Variants in SORCS3 observed in about 807,000 individuals in gnomAD.
SORCS3 encodes the protein VPS10 domain-containing receptor SorCS3.
In SORCS3, 57 loss-of-function variants were observed where a neutral mutation model predicts 146.3. The ratio of observed to expected loss-of-function variants is 0.39; its 90% CI spans 0.31 to 0.49. SORCS3 has a LOEUF of 0.49. SORCS3 is among the 20% of genes least tolerant of loss of function. The probability of loss-of-function intolerance (pLI) is 0.92; values close to 1 mark genes in which losing one functional copy is unlikely to be tolerated. For missense variants in SORCS3, 1,341 were observed against 1,575.5 expected, an observed-to-expected ratio of 0.85 and a Z score of 2.52; for synonymous variants, 653 against 618.5, an observed-to-expected ratio of 1.06 and a Z score of -0.83.
In SORCS3 at chr10:104,842,783, C is replaced by A; in HGVS notation, c.628-9C>A. On this transcript the variant is annotated splice_polypyrimidine_tract_variant and intron_variant, in intron 1 of 26. Coordinates refer to ENST00000369701, the MANE Select transcript of SORCS3 (RefSeq NM_014978.3). ...CCTCTCCTTTGCCCTTATCCCCAAC[C>A]CCTTGCAGGTCATACTTATCCTGAC... 1 of 1,612,936 alleles carries A rather than the reference C, an allele frequency of 6.2e-7. No homozygotes were observed.
intron 7 of SORCS3, among the ~76,000 whole-genome samples, chr10:105,136,468 A>G (rs1323402164): frequency 2.6e-5 from 4 of 152,218 alleles, no homozygotes; most frequent in African/African-American, 9.6e-5. Context: ...AGGGACACAA[A>G]CATTCAAACC....
chr10:104,698,869 G>C (rs12416372), intron 1 of SORCS3, among the ~76,000 whole-genome samples: 32,443 of 152,028 alleles, frequency 0.21, 3,787 homozygotes, highest in Non-Finnish European at 0.27. Context: ...GGTCACTGTG[G>C]GATGGAGGAG....
chr10:104,867,544 C>G (rs1281208712), intron 2 of SORCS3, among the ~76,000 whole-genome samples: 1 of 152,124 alleles, frequency 6.6e-6, no homozygotes, highest in African/African-American at 2.4e-5. Context: ...CTCCTGACCT[C>G]ATGATCTGCC....
chr10:105,259,926 C>T (rs2056951300), intron 25 of SORCS3, among the ~76,000 whole-genome samples: 2 of 152,152 alleles, frequency 1.3e-5, no homozygotes, highest in South Asian at 2.1e-4. Flanking sequence ...TGGTCCAAGA[C>T]ATATCTCTTG....
intron 5 of SORCS3, among the ~76,000 whole-genome samples, chr10:105,057,457 G>A (rs190057440): frequency 1.9e-3 from 291 of 152,204 alleles, no homozygotes; most frequent in Middle Eastern, 0.017. Flanking sequence ...ATTCCATAGC[G>A]TAGACACTGC....
chr10:104,969,916 C>A (rs2054849841), intron 3 of SORCS3, among the ~76,000 whole-genome samples: 1 of 152,054 alleles, frequency 6.6e-6, no homozygotes, highest in African/African-American at 2.4e-5. Flanking sequence ...ACAAGATATT[C>A]AATGGTAACC....
chr10:104,854,431 A>G (rs2018307329), intron 2 of SORCS3, among the ~76,000 whole-genome samples: 1 of 152,188 alleles, frequency 6.6e-6, no homozygotes, highest in African/African-American at 2.4e-5. Flanking sequence ...ATTCACAGGC[A>G]GTTCTAAGAA....
intron 2 of SORCS3, among the ~76,000 whole-genome samples, chr10:104,906,918 C>T (rs1217115121): frequency 1.3e-5 from 2 of 152,174 alleles, no homozygotes; most frequent in Non-Finnish European, 2.9e-5. Context: ...CGGTTCCCTA[C>T]CCAGTGGTAA....
At chr10:104,873,704 T>C (rs904808348) in intron 2 of SORCS3, among the ~76,000 whole-genome samples, 2 of 152,206 alleles carry the variant, frequency 1.3e-5, no homozygotes, top group Non-Finnish European at 2.9e-5. Context: ...TTATAAAATA[T>C]GCAACTAGCC....
chr10:105,043,721 C>T (rs1320118646), intron 5 of SORCS3, among the ~76,000 whole-genome samples: 1 of 152,046 alleles, frequency 6.6e-6, no homozygotes, highest in East Asian at 1.9e-4. Flanking sequence ...AAACTTATTT[C>T]ACTACAGAAT....
At chr10:105,089,919 T>G in intron 6 of SORCS3, 80 bp downstream of exon 6, 1 of 1,138,724 alleles carries the variant, frequency 8.8e-7, no homozygotes, top group Non-Finnish European at 1.3e-6. Flanking sequence ...CATTTTAATA[T>G]CTTGGGAAGA....
chr10:105,047,207 G>A (rs2055379494), intron 5 of SORCS3, among the ~76,000 whole-genome samples: 1 of 151,782 alleles, frequency 6.6e-6, no homozygotes, highest in Non-Finnish European at 1.5e-5. Flanking sequence ...CTGTGACTCT[G>A]CACTCTCCTA....
intron 3 of SORCS3, among the ~76,000 whole-genome samples, chr10:104,949,118 A>G (rs998777516): frequency 6.6e-6 from 1 of 152,180 alleles, no homozygotes; most frequent in African/African-American, 2.4e-5. Context: ...TTCATGCTTA[A>G]AAAAATCAAT....
At chr10:105,202,764 A>G (rs773194974) in intron 16 of SORCS3, among the ~76,000 whole-genome samples, 8 of 152,136 alleles carry the variant, frequency 5.3e-5, no homozygotes, top group African/African-American at 7.2e-5. Flanking sequence ...AATCTCCCCA[A>G]TTCTGGGAAT....
At chr10:104,657,749 G>A (rs1213452046) in intron 1 of SORCS3, among the ~76,000 whole-genome samples, 1 of 152,172 alleles carries the variant, frequency 6.6e-6, no homozygotes, top group Admixed American at 6.5e-5. Context: ...TGTTGGAGTT[G>A]AAATCAATTT....
chr10:105,047,401 C>G (rs1403015298), intron 5 of SORCS3, among the ~76,000 whole-genome samples: 2 of 152,146 alleles, frequency 1.3e-5, no homozygotes, highest in African/African-American at 4.8e-5. Flanking sequence ...TTTCCCTCCT[C>G]CGCTCCTTAA....
At chr10:105,027,277 A>G (rs543206323) in intron 4 of SORCS3, among the ~76,000 whole-genome samples, 2 of 152,282 alleles carry the variant, frequency 1.3e-5, no homozygotes, top group African/African-American at 4.8e-5. Context: ...TTTAAAAACG[A>G]TGCCACTGGA....
chr10:105,120,291 C>A (rs1327552913), intron 7 of SORCS3, among the ~76,000 whole-genome samples: 1 of 152,176 alleles, frequency 6.6e-6, no homozygotes, highest in Non-Finnish European at 1.5e-5. Flanking sequence ...CCATGTAGAA[C>A]TGTGAGTCAA....
At chr10:105,111,368 C>T (rs1374024252) in intron 7 of SORCS3, among the ~76,000 whole-genome samples, 4 of 152,176 alleles carry the variant, frequency 2.6e-5, no homozygotes, top group African/African-American at 9.6e-5. Context: ...TGTTATTCGT[C>T]ATTGCTTCTC....
Sources: gnomAD v4.1 joint callset for allele counts (sites outside exome capture counted in the v4.1 genomes callset) on GRCh38, gnomAD v4.1.1 for gene constraint, MANE v1.5 for transcripts, NCBI Gene and HGNC (gene_info 2026-07-23, HGNC 2026-07-21) for gene names.